Variants in TRAPPC12 observed in about 807,000 individuals in gnomAD.
TRAPPC12 encodes the protein TPR repeat protein 15.
In TRAPPC12, 61 loss-of-function variants were observed where a neutral mutation model predicts 69.2. That is an observed-to-expected ratio of 0.88 (90% CI 0.72 to 1.09). The LOEUF (loss-of-function observed/expected upper bound fraction) is 1.09. Ranked by LOEUF, TRAPPC12 falls within the 50% of genes least tolerant of loss-of-function variation. TRAPPC12 has a pLI of 0.00. For missense variants in TRAPPC12, 1,101 were observed against 1,016.4 expected (o/e 1.08, Z -1.13); for synonymous variants, 469 against 438.9 (o/e 1.07, Z -0.86).
chr2:3,448,163 G>A (rs1265436087), intron 6 of TRAPPC12, among the ~76,000 whole-genome samples: 1 of 152,238 alleles, frequency 6.6e-6, no homozygotes, highest in African/African-American at 2.4e-5. Flanking sequence ...GTTCCCAGAT[G>A]AGGAAAGTGG....
intron 3 of TRAPPC12, among the ~76,000 whole-genome samples, chr2:3,404,448 A>G (rs565232771): frequency 3.9e-5 from 6 of 152,264 alleles, no homozygotes; most frequent in African/African-American, 1.4e-4. Context: ...TTTCCCAAAA[A>G]AATCTTTTTT....
At chr2:3,476,102 G>A (rs761279682) in intron 9 of TRAPPC12, among the ~76,000 whole-genome samples, 9 of 152,202 alleles carry the variant, frequency 5.9e-5, no homozygotes, top group Non-Finnish European at 1.2e-4. Context: ...CTGTGCAGAC[G>A]ACGGGCAGCG....
intron 1 of TRAPPC12, among the ~76,000 whole-genome samples, chr2:3,384,136 T>C (rs1227192900): frequency 6.6e-6 from 1 of 152,070 alleles, no homozygotes; most frequent in African/African-American, 2.4e-5. Flanking sequence ...CCTCAGGTGA[T>C]CCACCCTCCT....
At chr2:3,410,904 C>CT (rs1383076210) in intron 3 of TRAPPC12, among the ~76,000 whole-genome samples, 1 of 152,172 alleles carries the variant, frequency 6.6e-6, no homozygotes, top group Non-Finnish European at 1.5e-5. Context: ...GTGGTGCACG[C>CT]CTGTAGTCCC....
intron 9 of TRAPPC12, chr2:3,465,936 C>T (rs1457660804): frequency 1.1e-5 from 6 of 558,602 alleles, no homozygotes; most frequent in African/African-American, 7.6e-5. Context: ...TCATCACAGC[C>T]ACACTGAAAT....
At chr2:3,444,186 G>A (rs1664384746) in intron 6 of TRAPPC12, among the ~76,000 whole-genome samples, 2 of 152,242 alleles carry the variant, frequency 1.3e-5, no homozygotes, top group African/African-American at 4.8e-5. Context: ...GCCAGCTGAA[G>A]CTTCAAGGTC....
chr2:3,393,230 T>C (rs754018387), intron 2 of TRAPPC12, among the ~76,000 whole-genome samples: 1 of 151,746 alleles, frequency 6.6e-6, no homozygotes, highest in African/African-American at 2.4e-5. Flanking sequence ...TGGTGGACAT[T>C]AGGTTAAGTG....
chr2:3,397,901 C>T (rs1261848483), intron 2 of TRAPPC12, among the ~76,000 whole-genome samples: 3 of 152,166 alleles, frequency 2.0e-5, no homozygotes, highest in Non-Finnish European at 4.4e-5. Context: ...TTGGGATTCT[C>T]CTCCTGCAAT....
At chr2:3,415,066 C>G (rs1353701482) in intron 3 of TRAPPC12, among the ~76,000 whole-genome samples, 1 of 152,066 alleles carries the variant, frequency 6.6e-6, no homozygotes, top group Non-Finnish European at 1.5e-5. Flanking sequence ...GAACCGGTCC[C>G]CGGCAGATAG....
intron 2 of TRAPPC12, among the ~76,000 whole-genome samples, chr2:3,397,679 G>A (rs1029572101): frequency 2.6e-5 from 4 of 152,180 alleles, no homozygotes; most frequent in Non-Finnish European, 5.9e-5. Context: ...TTGTAGCTGG[G>A]TTTTTAGAAT....
At chr2:3,395,769 A>C in intron 2 of TRAPPC12, among the ~76,000 whole-genome samples, 2 of 145,462 alleles carry the variant, frequency 1.4e-5, no homozygotes, top group East Asian at 2.0e-4. Context: ...TCACTCTGTC[A>C]CTCAGGCTGG....
At chr2:3,464,884 G>A (rs1665720872) in intron 8 of TRAPPC12, among the ~76,000 whole-genome samples, 2 of 152,240 alleles carry the variant, frequency 1.3e-5, no homozygotes, top group South Asian at 4.1e-4. Context: ...TTGAGGAGGG[G>A]CCACGGGCCA....
At position 3,434,963 on chromosome 2, in the gene TRAPPC12, G is replaced by A. The variant is rs138506820; in HGVS notation, c.1418-8816G>A. On this transcript the variant is annotated intron_variant, in intron 5 of 11. Coordinates refer to ENST00000324266, the MANE Select transcript of TRAPPC12 (RefSeq NM_016030.6). ...ACTGGCCGGTGCAGCAGGAGGAGCC[G>A]ATCACCCTCTGTGGCAACGAGGATG... Among the ~76,000 whole-genome samples, 128 of 152,304 alleles carry A rather than the reference G, an allele frequency of 8.4e-4. 2 individuals are homozygous for A. In the Middle Eastern group the frequency reaches 0.01, roughly 12 times the overall value.
chr2:3,443,678 A>C (rs769835687), intron 5 of TRAPPC12, 101 bp from the exon 6 acceptor site: 2 of 823,908 alleles, frequency 2.4e-6, no homozygotes, highest in South Asian at 2.8e-5. Flanking sequence ...ATCTGTCATC[A>C]CTTCTGCTGG....
intron 2 of TRAPPC12, 79 bp downstream of exon 2, chr2:3,388,749 T>C: frequency 1.5e-6 from 2 of 1,339,974 alleles, no homozygotes; most frequent in Non-Finnish European, 2.0e-6. Context: ...CCTTTAGGGA[T>C]GGAGAAGGAG....
At position 3,388,413 on chromosome 2, in the gene TRAPPC12, G is replaced by A; in HGVS notation, c.790G>A (p.Ala264Thr). ...GACCGAGGGGCGCCCCGAACCCGTG[G>A]CCATGCGAGGGCCCCAGGCAGCTGC... ...PGTEGRPEPV[A>T]MRGPQAAAPP... is the part of the protein sequence containing the mutation. Residue 264 changes from alanine (A) to threonine (T), a missense_variant, in exon 2 of 12, where the codon GCC becomes ACC. Transcript: ENST00000324266. 5 of 1,604,350 alleles carry A rather than the reference G, an allele frequency of 3.1e-6. No homozygotes were observed. Among genetic ancestry groups the A allele is most frequent in the Non-Finnish European group, 4.3e-6 (5 of 1,175,604 alleles).
intron 3 of TRAPPC12, among the ~76,000 whole-genome samples, chr2:3,412,923 G>T (rs1662144346): frequency 6.6e-6 from 1 of 152,196 alleles, no homozygotes; most frequent in East Asian, 1.9e-4. Context: ...GCCGTGAGTG[G>T]ACATAAATAG....
At chr2:3,408,164 T>C (rs916851843) in intron 3 of TRAPPC12, among the ~76,000 whole-genome samples, 1 of 152,190 alleles carries the variant, frequency 6.6e-6, no homozygotes, top group Non-Finnish European at 1.5e-5. Flanking sequence ...GTGCTTGACA[T>C]GTGTGGCCAA....
intron 9 of TRAPPC12, among the ~76,000 whole-genome samples, chr2:3,474,694 A>G (rs910597327): frequency 2.0e-5 from 3 of 152,220 alleles, no homozygotes; most frequent in African/African-American, 7.2e-5. Context: ...TCAAAAGGAT[A>G]TGGTGGCTGT....
Sources: allele counts gnomAD v4.1 joint callset (sites outside exome capture counted in the v4.1 genomes callset), GRCh38; gene constraint gnomAD v4.1.1; transcripts MANE v1.5; gene names NCBI Gene and HGNC (gene_info 2026-07-23, HGNC 2026-07-21).